The following PRDM16 variants were observed in gnomAD, a reference collection of about 807,000 sequenced individuals.
The protein encoded by PRDM16 is PR/SET domain 16.
PRDM16 carries 23 observed loss-of-function variants against 110.6 expected under a neutral mutation model. The observed-to-expected ratio is 0.21, with a 90% CI of 0.15 to 0.29. The LOEUF is 0.29. Ranked by LOEUF, PRDM16 falls within the 10% of genes least tolerant of loss-of-function variation. The pLI is 1.00. For synonymous variants in PRDM16, 799 were observed against 781.8 expected, an observed-to-expected ratio of 1.02 and a Z score of -0.37; for missense variants, 1,615 against 1,794.3, an observed-to-expected ratio of 0.90 and a Z score of 1.81.
At chr1:3,335,800 C>T (rs755800405) in intron 3 of PRDM16, among the ~76,000 whole-genome samples, 5 of 152,228 alleles carry the variant, frequency 3.3e-5, no homozygotes, top group Non-Finnish European at 7.3e-5. Flanking sequence ...GCTGCCCACA[C>T]CTCCCCTGGC....
chr1:3,284,821 C>T (rs1640810202), intron 3 of PRDM16, among the ~76,000 whole-genome samples: 2 of 152,196 alleles, frequency 1.3e-5, no homozygotes, highest in Non-Finnish European at 2.9e-5. Context: ...TGGTCCCGCC[C>T]AGGCCAGGGC....
chr1:3,190,107 G>A lies in PRDM16; in HGVS notation c.387+3633G>A, dbSNP rs1465097402. Reference sequence around the variant, plus strand: ...ATGTAGATGACAGCATGACTCCCTGGGGATGAGAGATGGGGCGGGCAGCAC... The same window carrying A: ...ATGTAGATGACAGCATGACTCCCTGAGGATGAGAGATGGGGCGGGCAGCAC... On this transcript the variant is annotated intron_variant, in intron 2 of 16. Coordinates refer to ENST00000270722, the MANE Select transcript of PRDM16 (RefSeq NM_022114.4). The surrounding 1 kb of genome is among the most constrained non-coding windows in gnomAD (Gnocchi z 5.0). Among the ~76,000 whole-genome samples the A allele has an allele frequency of 1.3e-5, 2 of 152,116 alleles. No individual in the cohort carries two copies. The highest frequency in any genetic ancestry group is 2.9e-5 in the Non-Finnish European group (2 of 68,016).
chr1:3,134,274 G>A (rs929273489), intron 1 of PRDM16, among the ~76,000 whole-genome samples: 1 of 152,220 alleles, frequency 6.6e-6, no homozygotes, highest in Non-Finnish European at 1.5e-5. Context: ...GCTGGGGGAC[G>A]GAGCTTCCCT....
In PRDM16 at chr1:3,244,202, C is replaced by T. The variant is rs1424243862; in HGVS notation, c.438+65C>T. 4.1e-6 allele frequency: 6 copies of T among 1,464,430 alleles called. No individual in the cohort carries two copies. The highest frequency in any genetic ancestry group is 2.3e-5 in the South Asian group (2 of 87,928). The allele number at this position is 1,464,430 out of a possible 1,614,324, so 90.7% of individuals were successfully genotyped here. A position where few individuals can be genotyped will look rare whatever the true frequency, so the allele number is the denominator to read the frequency against. ...TCCTCGGAGCTCCTGGCGGGGCGAC[C>T]GCCATCCCAGCTGTCCCTGAGCTAA... On this transcript the variant is annotated intron_variant, in intron 3 of 16. Coordinates refer to ENST00000270722, the MANE Select transcript of PRDM16 (RefSeq NM_022114.4). The surrounding 1 kb of genome is among the most constrained non-coding windows in gnomAD (Gnocchi z 4.1).
At chr1:3,296,201 G>A (rs1351577677) in intron 3 of PRDM16, among the ~76,000 whole-genome samples, 1 of 152,200 alleles carries the variant, frequency 6.6e-6, no homozygotes, top group Non-Finnish European at 1.5e-5. Context: ...CTTGGTTAAT[G>A]GGTCCCTGCT....
intron 4 of PRDM16, among the ~76,000 whole-genome samples, chr1:3,392,282 G>A (rs565588829): frequency 5.9e-5 from 9 of 152,302 alleles, no homozygotes; most frequent in Non-Finnish European, 1.3e-4. Context: ...AATGGTGAGC[G>A]ATTGAGTTTT....
intron 1 of PRDM16, among the ~76,000 whole-genome samples, chr1:3,084,799 T>G (rs796981291): frequency 4.7e-4 from 72 of 152,238 alleles, no homozygotes; most frequent in African/African-American, 1.6e-3. Flanking sequence ...CCCCCTTGGA[T>G]CACAAACGCT....
chr1:3,196,020 G>A (rs1638464612), intron 2 of PRDM16, among the ~76,000 whole-genome samples: 1 of 152,226 alleles, frequency 6.6e-6, no homozygotes, highest in Non-Finnish European at 1.5e-5. Flanking sequence ...CCGGGGCTGA[G>A]AAGGAAGGAA....
At position 3,235,321 on chromosome 1, in the gene PRDM16, G is replaced by A. The variant is rs116425571; in HGVS notation, c.388-8766G>A. Reference sequence around the variant, plus strand: ...GCTACGGGAGGCTCTTGGACTGGCCGCTGCTTCCCTTTCTCGTGCTGGAAG... The same window carrying A: ...GCTACGGGAGGCTCTTGGACTGGCCACTGCTTCCCTTTCTCGTGCTGGAAG... On this transcript the variant is annotated intron_variant, in intron 2 of 16. Coordinates refer to ENST00000270722, the MANE Select transcript of PRDM16 (RefSeq NM_022114.4). 3.7e-3 allele frequency among the ~76,000 whole-genome samples: 557 copies of A among 152,334 alleles called. 4 individuals are homozygous for A. Among genetic ancestry groups the A allele is most frequent in the African/African-American group, 0.012 (511 of 41,562 alleles).
Position 3,361,239 on chromosome 1 carries a change from C to T in PRDM16, c.439-23913C>T, listed in dbSNP as rs376898534. Among the ~76,000 whole-genome samples the T allele has an allele frequency of 4.6e-5, 7 of 152,184 alleles. 1 individual carries two copies. Among genetic ancestry groups the T allele is most frequent in the East Asian group, 1.9e-4 (1 of 5,180 alleles). On this transcript the variant is annotated intron_variant, in intron 3 of 16. Coordinates refer to ENST00000270722, the MANE Select transcript of PRDM16 (RefSeq NM_022114.4). ...ACCGTCACAGCCTGTGGGCCGTCTC[C>T]CCTGGGACCCTCCTCAGCATGGGCT...
rs1361944942 is a variant in PRDM16 at position 3,436,027 on chromosome 1, C to T, written c.*2216C>T. The stretch of plus-strand genomic sequence containing the variant: ...CTGCAAACACAACTGCTCAGGCCTT[C>T]TCACGCGTTTCCACAACATCCCCTG... On this transcript the variant is annotated 3_prime_UTR_variant, in exon 17 of 17. Transcript: ENST00000270722. 2.2e-5 allele frequency: 5 copies of T among 230,598 alleles called. No individual in the cohort carries two copies. Among genetic ancestry groups the T allele is most frequent in the Non-Finnish European group, 3.4e-5 (4 of 116,484 alleles). 14.3% of individuals were successfully genotyped at this position (230,598 alleles called of 1,614,324 possible).
At chr1:3,277,709 A>G (rs1347190750) in intron 3 of PRDM16, among the ~76,000 whole-genome samples, 1 of 151,186 alleles carries the variant, frequency 6.6e-6, no homozygotes, top group Non-Finnish European at 1.5e-5. Flanking sequence ...GCCCTTGTTC[A>G]CCCACATGCA....
chr1:3,117,553 C>A (rs534760061), intron 1 of PRDM16, among the ~76,000 whole-genome samples: 20 of 152,164 alleles, frequency 1.3e-4, no homozygotes, highest in African/African-American at 4.6e-4. Context: ...ATGCTGTCCC[C>A]ACCCCCGGTT....
rs1284620395 is a variant in PRDM16, at chr1:3,246,571, C to G, written c.438+2434C>G. ...TGCCCTGCAGGCCCAGTCCGAGGGG[C>G]TGGGGGCTGCCTGGAGGAGGCACCC... On this transcript the variant is annotated intron_variant, in intron 3 of 16. Coordinates refer to ENST00000270722, the MANE Select transcript of PRDM16 (RefSeq NM_022114.4). This position sits in a 1 kb window ranked among gnomAD's most constrained non-coding sequence, Gnocchi z 5.2. Among the ~76,000 whole-genome samples the G allele has an allele frequency of 1.3e-5, 2 of 152,214 alleles. No homozygotes were observed. The highest frequency in any genetic ancestry group is 6.5e-5 in the Admixed American group (1 of 15,286).
At chr1:3,346,829 C>T (rs533355935) in intron 3 of PRDM16, among the ~76,000 whole-genome samples, 2 of 152,316 alleles carry the variant, frequency 1.3e-5, no homozygotes, top group South Asian at 4.1e-4. Flanking sequence ...ACCGGCTGAA[C>T]AGACGGAATG....
intron 13 of PRDM16, 23 bp from the exon 14 acceptor site, chr1:3,426,028 C>T: frequency 6.3e-7 from 1 of 1,599,892 alleles, no homozygotes; most frequent in Non-Finnish European, 8.5e-7. Context: ...AGGCCGCCCC[C>T]TGATGCTCCC....
intron 3 of PRDM16, among the ~76,000 whole-genome samples, chr1:3,372,460 C>T (rs1237372381): frequency 2.0e-5 from 3 of 152,238 alleles, no homozygotes; most frequent in Non-Finnish European, 4.4e-5. Flanking sequence ...GAATGTGACA[C>T]TTCCCAGGGC....
intron 1 of PRDM16, among the ~76,000 whole-genome samples, chr1:3,118,166 G>T (rs973781882): frequency 6.6e-6 from 1 of 151,884 alleles, no homozygotes; most frequent in African/African-American, 2.4e-5. Flanking sequence ...CATGCTGTGT[G>T]TGTTTGGAAA....
Position 3,072,061 on chromosome 1 carries a change from G to A in PRDM16, c.37+2765G>A, listed in dbSNP as rs566742360. ...AGCCGGGGCTGTGGCTCAGCTGATG[G>A]GAAACCTACAGCCTCCTCCACCTGA... On this transcript the variant is annotated intron_variant, in intron 1 of 16. Transcript: ENST00000270722. 2.6e-5 allele frequency among the ~76,000 whole-genome samples: 4 copies of A among 152,326 alleles called. No individual in the cohort carries two copies. In the South Asian group the frequency reaches 8.3e-4, roughly 32 times the overall value.
Sources: allele counts gnomAD v4.1 joint callset (sites outside exome capture counted in the v4.1 genomes callset), GRCh38; gene constraint gnomAD v4.1.1; non-coding constraint Gnocchi (gnomAD v3.1); transcripts MANE v1.5; gene names NCBI Gene and HGNC (gene_info 2026-07-23, HGNC 2026-07-21).